Variants in DDX19B observed in about 807,000 individuals in gnomAD.
The protein encoded by DDX19B is DEAD-box helicase 19B.
In DDX19B, 27 loss-of-function variants were observed where a neutral mutation model predicts 58.1. The ratio of observed to expected loss-of-function variants is 0.46; its 90% CI spans 0.34 to 0.64. The LOEUF (loss-of-function observed/expected upper bound fraction) is 0.64. Ranked by LOEUF, DDX19B falls within the 30% of genes least tolerant of loss-of-function variation. The pLI is 0.01. For missense variants in DDX19B, 399 were observed against 596.5 expected (o/e 0.67, Z 3.45); for synonymous variants, 187 against 214.4 (o/e 0.87, Z 1.12).
chr16:70,322,651 TG>T (rs1240458686), intron 5 of DDX19B, among the ~76,000 whole-genome samples: 2 of 150,564 alleles, frequency 1.3e-5, no homozygotes, highest in Non-Finnish European at 2.9e-5. Context: ...CCCAACACTT[TG>T]GGAGGCCCAA....
In DDX19B at chr16:70,329,344, T is replaced by G; in HGVS notation, c.660T>G (p.Thr220=). 6.2e-7 allele frequency: 1 copy of G among 1,614,110 alleles called. No homozygotes were observed. Among genetic ancestry groups the G allele is most frequent in the Non-Finnish European group, 8.5e-7 (1 of 1,180,014 alleles). The stretch of plus-strand genomic sequence containing the variant: ...AGATTGTCATTGGCACCCCTGGGAC[T>G]GTGCTGGACTGGTGCTCCAAGCTCA... The part of the protein sequence containing the change: ...SEQIVIGTPG[T]VLDWCSKLKF... Residue 220 remains threonine, a synonymous_variant, in exon 8 of 12, where the codon ACT becomes ACG. Transcript: ENST00000288071.
chr16:70,304,755 T>C (rs1451025034), intron 1 of DDX19B, among the ~76,000 whole-genome samples: 1 of 150,876 alleles, frequency 6.6e-6, no homozygotes, highest in African/African-American at 2.5e-5. Context: ...CTTTGTCTCT[T>C]TTTTTTTTCT....
At chr16:70,320,249 C>T (rs1962694627) in intron 5 of DDX19B, among the ~76,000 whole-genome samples, 1 of 151,984 alleles carries the variant, frequency 6.6e-6, no homozygotes, top group African/African-American at 2.4e-5. Flanking sequence ...GCTAGGACTA[C>T]AGGCACGTGC....
chr16:70,325,649 C>T lies in DDX19B; in HGVS notation c.568C>T (p.Pro190Ser). 8 of 1,613,992 alleles carry T rather than the reference C, an allele frequency of 5.0e-6. No homozygotes were observed. Among genetic ancestry groups the T allele is most frequent in the Non-Finnish European group, 6.8e-6 (8 of 1,179,972 alleles). The change falls in exon 7 of 12, where the codon CCT becomes TCT. Residue 190 changes from proline to serine, a missense_variant. By Grantham distance (74) the Pro-to-Ser change is moderately conservative. Transcript: ENST00000288071. ...KVIEQMGKFY[P>S]ELKLAYAVRG... is the part of the protein sequence containing the mutation. ...GATTGAACAAATGGGCAAATTTTAC[C>T]CTGAACTGAAGCTAGCTTATGCTGT... is the stretch of plus-strand genomic sequence containing the variant.
At chr16:70,307,285 A>AG (rs1351754174) in intron 1 of DDX19B, among the ~76,000 whole-genome samples, 35 of 152,206 alleles carry the variant, frequency 2.3e-4, no homozygotes, top group African/African-American at 7.7e-4. Flanking sequence ...CTTTTGAGAA[A>AG]GTGCCAGGAT....
At chr16:70,319,154 GT>G (rs1962623145) in intron 5 of DDX19B, among the ~76,000 whole-genome samples, 1 of 152,084 alleles carries the variant, frequency 6.6e-6, no homozygotes, top group South Asian at 2.1e-4. Flanking sequence ...TACATGCTGT[GT>G]TTTTTAATTA....
Position 70,314,942 on chromosome 16 carries a change from T to C in DDX19B, c.147T>C (p.Asp49=). ...CCAATGCCAATGCAGAGAAGACAGA[T>C]GAAGAAGAGAAAGGTAACACAGCCG... The part of the protein sequence containing the change: ...VKTNANAEKT[D]EEEKEDRAAQ... The change falls in exon 3 of 12, where the codon GAT becomes GAC. Residue 49 remains aspartate, a synonymous_variant. Coordinates refer to ENST00000288071, the MANE Select transcript of DDX19B (RefSeq NM_007242.7). The C allele has an allele frequency of 6.2e-7, 1 of 1,609,092 alleles. No homozygotes were observed. Among genetic ancestry groups the C allele is most frequent in the Non-Finnish European group, 8.5e-7 (1 of 1,176,702 alleles).
At chr16:70,291,415 G>A (rs7198871), upstream of DDX19B, among the ~76,000 whole-genome samples, 13,289 of 152,182 alleles carry the variant, frequency 0.087, 1,910 homozygotes, top group African/African-American at 0.3. Context: ...TGTACTTTCA[G>A]AATAAAATAA....
At chr16:70,294,971 T>G (rs1445322216), upstream of DDX19B, 8 of 1,447,116 alleles carry the variant, frequency 5.5e-6, no homozygotes, top group Non-Finnish European at 6.3e-6. Context: ...TTTAGGTGCC[T>G]TCCTCGCCCC....
chr16:70,291,186 C>A (rs1222869881), upstream of DDX19B, among the ~76,000 whole-genome samples: 8 of 152,126 alleles, frequency 5.3e-5, no homozygotes, highest in Admixed American at 3.3e-4. Flanking sequence ...ATCCTCACAA[C>A]CTTATCATGA....
At chr16:70,299,546 C>T (rs1423080751) in intron 1 of DDX19B, among the ~76,000 whole-genome samples, 192 bp downstream of exon 1, 1 of 152,152 alleles carries the variant, frequency 6.6e-6, no homozygotes, top group African/African-American at 2.4e-5. Context: ...GTGAGTGCTC[C>T]TATCGGTAAA....
At chr16:70,309,192 A>G (rs1961940755) in intron 1 of DDX19B, among the ~76,000 whole-genome samples, 1 of 152,062 alleles carries the variant, frequency 6.6e-6, no homozygotes, top group Admixed American at 6.6e-5. Flanking sequence ...CTTCTTGTCC[A>G]TTTCCATGAA....
intron 1 of DDX19B, among the ~76,000 whole-genome samples, chr16:70,307,394 G>A (rs184210333): frequency 2.7e-4 from 41 of 152,008 alleles, no homozygotes; most frequent in Non-Finnish European, 4.9e-4. Flanking sequence ...CAAGAGTCTC[G>A]CACTGTCTCC....
chr16:70,327,577 T>G (rs1174877028), intron 7 of DDX19B, among the ~76,000 whole-genome samples: 5 of 146,074 alleles, frequency 3.4e-5, no homozygotes, highest in Non-Finnish European at 7.6e-5. Flanking sequence ...TTTTTTTTTT[T>G]GTAAAGACAG....
chr16:70,300,467 C>G (rs967160545), intron 1 of DDX19B, among the ~76,000 whole-genome samples: 7 of 152,140 alleles, frequency 4.6e-5, no homozygotes, highest in South Asian at 2.1e-4. Flanking sequence ...CTCAGCCTCC[C>G]AAAGTGCTGG....
At chr16:70,324,791 C>T in intron 6 of DDX19B, 104 bp downstream of exon 6, 2 of 1,109,176 alleles carry the variant, frequency 1.8e-6, no homozygotes, top group Non-Finnish European at 2.5e-6. Flanking sequence ...GTGGCTCATG[C>T]CTGTAATCCC....
At chr16:70,299,378 G>T in intron 1 of DDX19B, 24 bp downstream of exon 1, 2 of 1,594,338 alleles carry the variant, frequency 1.3e-6, no homozygotes, top group Non-Finnish European at 1.7e-6. Context: ...AGCCCTAAAA[G>T]GGTCAGGGGA....
chr16:70,315,820 T>C, intron 3 of DDX19B, 149 bp from the exon 4 acceptor site: 1 of 1,134,490 alleles, frequency 8.8e-7, no homozygotes, highest in Non-Finnish European at 1.2e-6. Flanking sequence ...AATAAAACTA[T>C]TTTAATTTAT....
chr16:70,312,804 A>C (rs1310453110), intron 2 of DDX19B, 147 bp downstream of exon 2: 3 of 648,718 alleles, frequency 4.6e-6, no homozygotes, highest in Non-Finnish European at 8.0e-6. Flanking sequence ...AAATCAACAA[A>C]CTGGATTGTA....
Sources: gnomAD v4.1 joint callset for allele counts (sites outside exome capture counted in the v4.1 genomes callset) on GRCh38, gnomAD v4.1.1 for gene constraint, MANE v1.5 for transcripts, NCBI Gene and HGNC (gene_info 2026-07-23, HGNC 2026-07-21) for gene names.